TNKS: variants seen among roughly 807,000 people sequenced by gnomAD.
The protein encoded by TNKS is poly [ADP-ribose] polymerase tankyrase-1.
In TNKS, 72 loss-of-function variants were observed where a neutral mutation model predicts 135.8. The observed-to-expected ratio is 0.53, with a 90% CI of 0.44 to 0.64. The LOEUF is 0.64. Among genes scored for constraint, TNKS ranks in the 30% least tolerant of loss-of-function variants. TNKS has a pLI of 0.00. For missense variants in TNKS, 1,769 were observed against 1,674.0 expected (o/e 1.06, Z -0.99); for synonymous variants, 849 against 649.3 (o/e 1.31, Z -4.68).
At position 9,704,683 on chromosome 8, in the gene TNKS, A is replaced by T. The variant is rs960454394; in HGVS notation, c.1128A>T (p.Ala376=). Residue 376 remains alanine (A), a synonymous_variant, in exon 6 of 27, where the codon GCA becomes GCT. Coordinates refer to ENST00000310430, the MANE Select transcript of TNKS (RefSeq NM_003747.3). ...DGRKSTPLHL[A]AGYNRVRIVQ... The stretch of plus-strand genomic sequence containing the variant: ...TCTAGTCGACTCCTTTACATCTAGC[A>T]GCGGGCTACAACAGAGTTCGAATAG... 3 of 1,613,254 alleles carry T rather than the reference A, an allele frequency of 1.9e-6. No individual in the cohort carries two copies. The highest frequency in any genetic ancestry group is 2.5e-6 in the Non-Finnish European group (3 of 1,179,444).
chr8:9,731,111 GA>G (rs1805416703), intron 14 of TNKS, 76 bp downstream of exon 14: 1 of 1,387,168 alleles, frequency 7.2e-7, no homozygotes, highest in African/African-American at 1.5e-5. Flanking sequence ...TGAAGTCTTA[GA>G]TTTTTTCTGT....
At chr8:9,571,868 T>C (rs1433466791) in intron 1 of TNKS, among the ~76,000 whole-genome samples, 1 of 152,238 alleles carries the variant, frequency 6.6e-6, no homozygotes, top group African/African-American at 2.4e-5. Flanking sequence ...CCTCTTGATT[T>C]ACTGTGCCTT....
At chr8:9,665,965 CCCT>C (rs1255586762) in intron 3 of TNKS, among the ~76,000 whole-genome samples, 2 of 152,144 alleles carry the variant, frequency 1.3e-5, no homozygotes, top group East Asian at 1.9e-4. Context: ...CTTCTTCCTC[CCCT>C]CCTCTTTTTT....
intron 3 of TNKS, among the ~76,000 whole-genome samples, chr8:9,638,011 C>T (rs1044452037): frequency 2.6e-5 from 4 of 152,052 alleles, no homozygotes; most frequent in Non-Finnish European, 5.9e-5. Context: ...CTTTGTTGCC[C>T]AGGCTGGAGT....
intron 18 of TNKS, among the ~76,000 whole-genome samples, chr8:9,749,241 A>G (rs1195563144): frequency 2.0e-5 from 3 of 152,172 alleles, no homozygotes; most frequent in Admixed American, 6.6e-5. Context: ...GTGAATACAA[A>G]TTAAATCTAT....
chr8:9,589,409 C>G (rs1267726611), intron 2 of TNKS, among the ~76,000 whole-genome samples: 2 of 152,168 alleles, frequency 1.3e-5, no homozygotes, highest in Non-Finnish European at 2.9e-5. Context: ...CAGAAACACA[C>G]CAGTCAGGAA....
chr8:9,772,805 G>GTCTT (rs1807993425), intron 26 of TNKS, among the ~76,000 whole-genome samples: 1 of 104,586 alleles, frequency 9.6e-6, no homozygotes, highest in African/African-American at 4.3e-5. Flanking sequence ...GTGTGTGTGT[G>GTCTT]TGTTTGTGTG....
intron 1 of TNKS, chr8:9,575,241 C>T: frequency 2.1e-6 from 1 of 476,534 alleles, no homozygotes; most frequent in Non-Finnish European, 2.7e-6. Flanking sequence ...CGCCCGCCAC[C>T]ACGCAGGGCT....
At chr8:9,716,404 C>G (rs569336100) in intron 11 of TNKS, among the ~76,000 whole-genome samples, 1 of 152,128 alleles carries the variant, frequency 6.6e-6, no homozygotes, top group African/African-American at 2.4e-5. Flanking sequence ...AAAATAAAGT[C>G]CAAAGGGGCA....
chr8:9,570,140 T>C (rs906125496), intron 1 of TNKS, among the ~76,000 whole-genome samples: 11 of 152,336 alleles, frequency 7.2e-5, no homozygotes, highest in African/African-American at 2.2e-4. Context: ...TTTTGAACCA[T>C]TTATTGAATA....
intron 3 of TNKS, among the ~76,000 whole-genome samples, chr8:9,668,379 A>T (rs1018238249): frequency 1.3e-5 from 2 of 152,164 alleles, no homozygotes; most frequent in South Asian, 4.1e-4. Context: ...TTGAACATAC[A>T]CTCAAATTTT....
chr8:9,751,802 A>T lies in TNKS; in HGVS notation c.3026A>T (p.Asn1009Ile). 1 of 1,614,168 alleles carries T rather than the reference A, an allele frequency of 6.2e-7. No homozygotes were observed. The highest frequency in any genetic ancestry group is 1.7e-5 in the Admixed American group (1 of 60,014). The stretch of plus-strand genomic sequence containing the variant: ...GAGTTGGCCGTAGGAGGAGCCTCCA[A>T]TGCAGGGGATGGCGCCGCGGGAACA... The part of the protein sequence containing the change: ...LAELAVGGAS[N>I]AGDGAAGTER... The change falls in exon 19 of 27, where the codon AAT becomes ATT. Residue 1009 changes from asparagine (N) to isoleucine (I), a missense_variant. Asn to Ile is a moderately radical substitution (Grantham distance 149). Around this residue, in one of 5 missense-constraint regions of TNKS, gnomAD observed 722 missense variants for 688.9 expected, o/e 1.05. Transcript: ENST00000310430.
intron 2 of TNKS, among the ~76,000 whole-genome samples, chr8:9,605,999 A>G (rs1799202440): frequency 6.6e-6 from 1 of 151,886 alleles, no homozygotes; most frequent in Non-Finnish European, 1.5e-5. Context: ...TTTTTCTCCT[A>G]AGAAATCTTT....
intron 17 of TNKS, among the ~76,000 whole-genome samples, chr8:9,746,128 C>G (rs1806222329): frequency 6.6e-6 from 1 of 152,070 alleles, no homozygotes; most frequent in Admixed American, 6.6e-5. Flanking sequence ...GTTAATTATC[C>G]AAACTGACCA....
intron 17 of TNKS, among the ~76,000 whole-genome samples, chr8:9,742,346 A>T: frequency 6.9e-6 from 1 of 145,110 alleles, no homozygotes. Context: ...CAGATACATG[A>T]GTGTGATAAT....
intron 11 of TNKS, among the ~76,000 whole-genome samples, chr8:9,710,870 T>C (rs947137329): frequency 6.6e-6 from 1 of 152,132 alleles, no homozygotes; most frequent in African/African-American, 2.4e-5. Context: ...CACTCCAGCC[T>C]GGGAGACAGA....
At chr8:9,656,498 G>A (rs777236751) in intron 3 of TNKS, among the ~76,000 whole-genome samples, 23 of 152,092 alleles carry the variant, frequency 1.5e-4, no homozygotes, top group African/African-American at 1.4e-4. Context: ...GAGAAAGGTC[G>A]GGTTACCCAC....
chr8:9,574,131 C>G (rs749702998), intron 1 of TNKS, among the ~76,000 whole-genome samples: 2 of 152,138 alleles, frequency 1.3e-5, no homozygotes, highest in Non-Finnish European at 2.9e-5. Flanking sequence ...GCCAGCACAC[C>G]ACATAGTATA....
intron 13 of TNKS, among the ~76,000 whole-genome samples, chr8:9,730,106 A>C (rs1805360154): frequency 6.6e-6 from 1 of 152,152 alleles, no homozygotes; most frequent in Admixed American, 6.5e-5. Flanking sequence ...ATTATTATTC[A>C]GATATTATCA....
Sources: allele counts gnomAD v4.1 joint callset (sites outside exome capture counted in the v4.1 genomes callset), GRCh38; gene constraint gnomAD v4.1.1; regional missense constraint gnomAD v4.1.1; transcripts MANE v1.5; gene names NCBI Gene and HGNC (gene_info 2026-07-23, HGNC 2026-07-21).